Variants in TRPM3 observed in about 807,000 individuals in gnomAD.
The protein encoded by TRPM3 is long transient receptor potential channel 3.
In TRPM3, 77 loss-of-function variants were observed where a neutral mutation model predicts 181.2. That is an observed-to-expected ratio of 0.42 (90% confidence interval 0.35 to 0.51). The LOEUF (loss-of-function observed/expected upper bound fraction) is 0.51, where lower values mean the gene tolerates loss of function less well. Among genes scored for constraint, TRPM3 ranks in the 20% least tolerant of loss-of-function variants. The probability of loss-of-function intolerance (pLI) is 0.01; values close to 1 mark genes in which losing one functional copy is unlikely to be tolerated. For synonymous variants in TRPM3, 745 were observed against 796.4 expected, an observed-to-expected ratio of 0.94 and a Z score of 1.09; for missense variants, 1,759 against 2,196.7, an observed-to-expected ratio of 0.80 and a Z score of 3.98.
chr9:71,391,082 GA>G (rs1201369537), intron 1 of TRPM3, among the ~76,000 whole-genome samples: 3 of 151,932 alleles, frequency 2.0e-5, no homozygotes, highest in African/African-American at 7.2e-5. Context: ...GAGTCTTGAT[GA>G]TTACAAATTA....
At chr9:71,331,836 G>GGGAGGAGGAGGAAGAAGAGGAGAA (rs2090174454) in intron 1 of TRPM3, among the ~76,000 whole-genome samples, 1 of 29,584 alleles carries the variant, frequency 3.4e-5, no homozygotes, top group African/African-American at 2.5e-4. Context: ...GAAGAGGAGA[G>GGGAGGAGGAGGAAGAAGAGGAGAA]GGAGGAGGAG....
At chr9:70,921,560 G>C (rs2096653325) in intron 1 of TRPM3, among the ~76,000 whole-genome samples, 2 of 152,184 alleles carry the variant, frequency 1.3e-5, no homozygotes, top group African/African-American at 2.4e-5. Flanking sequence ...GGGGAGAAGA[G>C]GTTGTTACTC....
chr9:71,068,203 A>G (rs574160750), intron 1 of TRPM3, among the ~76,000 whole-genome samples: 2 of 152,202 alleles, frequency 1.3e-5, no homozygotes, highest in Non-Finnish European at 2.9e-5. Flanking sequence ...TCTGTTTTCC[A>G]TCTTACTGGA....
intron 1 of TRPM3, among the ~76,000 whole-genome samples, chr9:71,112,259 A>G (rs991404922): frequency 1.3e-5 from 2 of 152,208 alleles, no homozygotes; most frequent in Non-Finnish European, 2.9e-5. Context: ...TTAGATCACC[A>G]TATTAAGAAA....
chr9:70,954,813 C>T (rs1047900359), intron 1 of TRPM3, among the ~76,000 whole-genome samples: 4 of 142,386 alleles, frequency 2.8e-5, no homozygotes, highest in East Asian at 2.0e-4. Flanking sequence ...CCGGGCCCTA[C>T]GCTTCCTGGG....
intron 1 of TRPM3, among the ~76,000 whole-genome samples, chr9:71,271,400 A>G (rs1270399966): frequency 6.6e-6 from 1 of 152,112 alleles, no homozygotes; most frequent in Non-Finnish European, 1.5e-5. Flanking sequence ...CATCTGGAAT[A>G]CATGTTCAAT....
intron 9 of TRPM3, among the ~76,000 whole-genome samples, chr9:70,648,191 C>A: frequency 6.6e-6 from 1 of 152,162 alleles, no homozygotes; most frequent in East Asian, 1.9e-4. Context: ...TTAGAAAAAA[C>A]TGGCCAGGTT....
chr9:71,267,106 G>T (rs2083444792), intron 1 of TRPM3, among the ~76,000 whole-genome samples: 1 of 151,940 alleles, frequency 6.6e-6, no homozygotes, highest in Admixed American at 6.6e-5. Context: ...TGCCTACCTG[G>T]AGCACTGGAT....
chr9:71,258,746 A>C (rs905758168), intron 1 of TRPM3, among the ~76,000 whole-genome samples: 1 of 152,216 alleles, frequency 6.6e-6, no homozygotes, highest in Non-Finnish European at 1.5e-5. Flanking sequence ...AATATTTTAC[A>C]GATAAGAAAT....
At chr9:71,414,090 C>T (rs578046292) in intron 1 of TRPM3, among the ~76,000 whole-genome samples, 19 of 152,166 alleles carry the variant, frequency 1.2e-4, no homozygotes, top group South Asian at 6.2e-4. Context: ...ACCATTGTAT[C>T]GCACTTATTG....
At chr9:70,626,271 G>C (rs977287922) in intron 12 of TRPM3, among the ~76,000 whole-genome samples, 1 of 152,160 alleles carries the variant, frequency 6.6e-6, no homozygotes, top group Non-Finnish European at 1.5e-5. Context: ...TGAGTGCATA[G>C]TGAATTCCAA....
intron 1 of TRPM3, among the ~76,000 whole-genome samples, chr9:71,259,384 T>C (rs1222441125): frequency 6.6e-6 from 1 of 152,184 alleles, no homozygotes; most frequent in Non-Finnish European, 1.5e-5. Flanking sequence ...TAGAATAATT[T>C]ATAATCCTTT....
chr9:70,924,139 G>T (rs1187179832), intron 1 of TRPM3, among the ~76,000 whole-genome samples: 3 of 152,000 alleles, frequency 2.0e-5, no homozygotes, highest in African/African-American at 7.3e-5. Context: ...TGGTGCTGCT[G>T]ACATTTGGCT....
chr9:71,402,033 G>A (rs1471774610), intron 1 of TRPM3, among the ~76,000 whole-genome samples: 1 of 152,166 alleles, frequency 6.6e-6, no homozygotes, highest in Admixed American at 6.5e-5. Context: ...TATCAGAAGT[G>A]TTTCTGCCAA....
At chr9:71,234,772 G>A (rs1358521641) in intron 1 of TRPM3, among the ~76,000 whole-genome samples, 1 of 152,150 alleles carries the variant, frequency 6.6e-6, no homozygotes, top group Non-Finnish European at 1.5e-5. Context: ...AAATTTGGAG[G>A]AGTGTGCACA....
chr9:70,660,737 G>C (rs535943006), intron 9 of TRPM3, among the ~76,000 whole-genome samples: 1 of 152,070 alleles, frequency 6.6e-6, no homozygotes, highest in African/African-American at 2.4e-5. Flanking sequence ...GATTAATTCA[G>C]GAAGAAATAG....
In TRPM3 at chr9:70,827,583, C is replaced by T. The variant is rs958034191; in HGVS notation, c.973+264G>A. 1.3e-4 allele frequency: 39 copies of T among 302,636 alleles called. No individual in the cohort carries two copies. The Admixed American group carries it at 1.6e-3, about 12-fold the overall frequency. The allele number at this position is 302,636 out of a possible 1,614,324, so 18.7% of individuals were successfully genotyped here. ...GGAAAAGTCTGAAGAGAAAGCTTATCTGCATACACATACCCCAGATGGAGT... is the reference window on the plus strand; with the variant it reads ...GGAAAAGTCTGAAGAGAAAGCTTATTTGCATACACATACCCCAGATGGAGT... On this transcript the variant is annotated intron_variant, in intron 6 of 25. Coordinates refer to ENST00000677713, the MANE Select transcript of TRPM3 (RefSeq NM_001366145.2).
At chr9:70,610,566 C>T (rs1186725761) in intron 19 of TRPM3, 43 bp downstream of exon 19, 14 of 1,599,430 alleles carry the variant, frequency 8.8e-6, no homozygotes, top group Non-Finnish European at 1.1e-5. Context: ...ACGTTGGCTC[C>T]TTGTGGCCAT....
intron 1 of TRPM3, among the ~76,000 whole-genome samples, chr9:71,170,953 A>G (rs998903624): frequency 1.3e-5 from 2 of 152,302 alleles, no homozygotes; most frequent in Non-Finnish European, 2.9e-5. Context: ...TGGGAGAAAC[A>G]TCGCTGAATT....
Sources: gnomAD v4.1 joint callset for allele counts (sites outside exome capture counted in the v4.1 genomes callset) on GRCh38, gnomAD v4.1.1 for gene constraint, MANE v1.5 for transcripts, NCBI Gene and HGNC (gene_info 2026-07-23, HGNC 2026-07-21) for gene names.